Variants in DDA1 observed in about 807,000 individuals in gnomAD.
DDA1 encodes DET1 and DDB1 associated 1, also known as DET1- and DDB1-associated protein 1.
In DDA1, 3 loss-of-function variants were observed where a neutral mutation model predicts 18.6. That is an observed-to-expected ratio of 0.16 (90% CI 0.07 to 0.42). The LOEUF is 0.42. Among genes scored for constraint, DDA1 ranks in the 10% least tolerant of loss-of-function variants. The pLI, the probability that DDA1 is intolerant of heterozygous loss-of-function variation, is 0.99. For synonymous variants in DDA1, 52 were observed against 54.0 expected (o/e 0.96, Z 0.17); for missense variants, 105 against 138.2 (o/e 0.76, Z 1.20).
chr19:17,309,699 A>C (rs1186119216), intron 1 of DDA1, 42 bp downstream of exon 1: 2 of 1,604,610 alleles, frequency 1.2e-6, no homozygotes, highest in Non-Finnish European at 1.7e-6. Context: ...TCTGCTAGAC[A>C]AAATGGCGCT....
intron 4 of DDA1, among the ~76,000 whole-genome samples, chr19:17,316,556 G>T (rs914474543): frequency 2.6e-5 from 4 of 151,724 alleles, no homozygotes; most frequent in Non-Finnish European, 4.4e-5. Flanking sequence ...CTCCAGCCTT[G>T]TTGACAGAGC....
chr19:17,319,509 AAAG>A (rs778240324), intron 4 of DDA1, 34 bp from the exon 5 acceptor site: 2 of 1,528,630 alleles, frequency 1.3e-6, no homozygotes, highest in South Asian at 1.2e-5. Context: ...GTCCGAAAAA[AAAG>A]ACTCACAGCC....
At chr19:17,315,422 GTGTGTGCATATA>G (rs2074207378) in intron 3 of DDA1, among the ~76,000 whole-genome samples, 1 of 58,910 alleles carries the variant, frequency 1.7e-5, no homozygotes, top group African/African-American at 1.3e-4. Context: ...GTGTGTGTGT[GTGTGTGCATATA>G]TATATATATA....
chr19:17,309,677 C>T lies in DDA1; in HGVS notation c.3+20C>T. The T allele has an allele frequency of 6.2e-7, 1 of 1,612,170 alleles. No homozygotes were observed. Among genetic ancestry groups the T allele is most frequent in the Non-Finnish European group, 8.5e-7 (1 of 1,178,922 alleles). ...AAGATGGTGAGGATGGCCTCCAGGC[C>T]CCCACTCCCCCTCTGCTAGACAAAA... is the stretch of plus-strand genomic sequence containing the variant. On this transcript the variant is annotated intron_variant, in intron 1 of 4. Transcript: ENST00000359866.
chr19:17,309,678 C>T lies in DDA1; in HGVS notation c.3+21C>T, dbSNP rs370489653. 5.6e-6 allele frequency: 9 copies of T among 1,612,022 alleles called. No homozygotes were observed. In the East Asian group the frequency reaches 1.3e-4, roughly 24 times the overall value. ...AGATGGTGAGGATGGCCTCCAGGCC[C>T]CCACTCCCCCTCTGCTAGACAAAAT... On this transcript the variant is annotated intron_variant, in intron 1 of 4. Coordinates refer to ENST00000359866, the MANE Select transcript of DDA1 (RefSeq NM_024050.6).
chr19:17,314,227 C>A lies in DDA1; in HGVS notation c.85-111C>A. On this transcript the variant is annotated intron_variant, in intron 2 of 4. Transcript: ENST00000359866. This position sits in a 1 kb window ranked among gnomAD's most constrained non-coding sequence, Gnocchi z 4.6. ...TGATCTTCAAGCCCAGCCCCATCCA[C>A]ATACTTGAGTGTCTTCCAATCTGCA... 1 of 1,556,994 alleles carries A rather than the reference C, an allele frequency of 6.4e-7. No homozygotes were observed. Among genetic ancestry groups the A allele is most frequent in the South Asian group, 1.1e-5 (1 of 89,166 alleles).
intron 3 of DDA1, among the ~76,000 whole-genome samples, chr19:17,315,084 TATATA>T: frequency 9.5e-6 from 1 of 105,300 alleles, no homozygotes; most frequent in African/African-American, 3.4e-5. Flanking sequence ...AAAAACCATA[TATATA>T]CGTATATATA....
At chr19:17,316,505 G>C (rs2145676392) in intron 4 of DDA1, among the ~76,000 whole-genome samples, 1 of 152,088 alleles carries the variant, frequency 6.6e-6, no homozygotes, top group Admixed American at 6.5e-5. Context: ...GCTTGAACCA[G>C]GGAGGCGGAG....
intron 4 of DDA1, among the ~76,000 whole-genome samples, chr19:17,317,229 A>G (rs1465513215): frequency 2.0e-5 from 3 of 149,726 alleles, no homozygotes; most frequent in Non-Finnish European, 3.0e-5. Context: ...AGAAATCTAT[A>G]CCGGGCGCGG....
chr19:17,315,273 GTATATACACACACTATA>G (rs1192103713), intron 3 of DDA1, among the ~76,000 whole-genome samples: 819 of 57,694 alleles, frequency 0.014, 274 homozygotes, highest in African/African-American at 0.057. Flanking sequence ...ACACACACGT[GTATATACACACACTATA>G]TATATACACA....
At chr19:17,318,881 C>A (rs2074226378) in intron 4 of DDA1, among the ~76,000 whole-genome samples, 1 of 151,766 alleles carries the variant, frequency 6.6e-6, no homozygotes, top group Non-Finnish European at 1.5e-5. Flanking sequence ...TGGCTGCCTA[C>A]CCTGCGCAAA....
At chr19:17,316,504 AG>A (rs2074213608) in intron 4 of DDA1, among the ~76,000 whole-genome samples, 1 of 149,654 alleles carries the variant, frequency 6.7e-6, no homozygotes, top group African/African-American at 2.5e-5. Context: ...CGCTTGAACC[AG>A]GGAGGCGGAG....
chr19:17,309,933 C>T (rs927891853), intron 1 of DDA1, among the ~76,000 whole-genome samples: 9 of 150,694 alleles, frequency 6.0e-5, no homozygotes, highest in Admixed American at 4.0e-4. Flanking sequence ...CCCCGGAAAT[C>T]GTCTGGGGTG....
At chr19:17,315,378 C>CGTGT (rs1491469924) in intron 3 of DDA1, among the ~76,000 whole-genome samples, 19 of 80,862 alleles carry the variant, frequency 2.3e-4, no homozygotes, top group African/African-American at 7.6e-4. Context: ...TATATACACA[C>CGTGT]GTATATATAT....
In DDA1 at chr19:17,314,228, A is replaced by C; in HGVS notation, c.85-110A>C. 1 of 1,557,802 alleles carries C rather than the reference A, an allele frequency of 6.4e-7. No homozygotes were observed. The highest frequency in any genetic ancestry group is 1.4e-5 in the African/African-American group (1 of 73,780). Reference sequence around the variant, plus strand: ...GATCTTCAAGCCCAGCCCCATCCACATACTTGAGTGTCTTCCAATCTGCAC... The same window carrying C: ...GATCTTCAAGCCCAGCCCCATCCACCTACTTGAGTGTCTTCCAATCTGCAC... On this transcript the variant is annotated intron_variant, in intron 2 of 4. Transcript: ENST00000359866. This position sits in a 1 kb window ranked among gnomAD's most constrained non-coding sequence, Gnocchi z 4.6.
intron 4 of DDA1, among the ~76,000 whole-genome samples, chr19:17,317,220 G>T (rs1373594345): frequency 6.6e-6 from 1 of 150,716 alleles, no homozygotes; most frequent in Non-Finnish European, 1.5e-5. Context: ...AAGAAAAAAA[G>T]AAATCTATAC....
rs141173807 is a variant in DDA1, at chr19:17,312,648, G to A, written c.4-1375G>A. Among the ~76,000 whole-genome samples the A allele has an allele frequency of 7.2e-3, 1,098 of 152,258 alleles. 9 individuals carry two copies. The highest frequency in any genetic ancestry group is 0.025 in the African/African-American group (1,046 of 41,554). ...AGCTCTGCCTTGCACCTCACACTGCGCCCTCGAGGCACCCTGTCCTGCAGC... is the reference window on the plus strand; with the variant it reads ...AGCTCTGCCTTGCACCTCACACTGCACCCTCGAGGCACCCTGTCCTGCAGC... On this transcript the variant is annotated intron_variant, in intron 1 of 4. Transcript: ENST00000359866.
At chr19:17,312,654 G>A (rs1415888589) in intron 1 of DDA1, among the ~76,000 whole-genome samples, 2 of 152,248 alleles carry the variant, frequency 1.3e-5, no homozygotes, top group African/African-American at 2.4e-5. Context: ...CTGCGCCCTC[G>A]AGGCACCCTG....
chr19:17,314,072 G>T lies in DDA1; in HGVS notation c.53G>T (p.Arg18Leu). ...LPVYNKSNFS[R>L]FHADSVCKAS... ...GTCTACAACAAAAGCAATTTTAGTC[G>T]ATTTCACGCGGACTCCGTGTGCAAA... Residue 18 changes from arginine to leucine, a missense_variant, in exon 2 of 5, where the codon CGA becomes CTA. Physicochemically the swap from Arg to Leu is moderately radical, Grantham distance 102 (BLOSUM62 -2). Transcript: ENST00000359866. This position sits in a 1 kb window ranked among gnomAD's most constrained non-coding sequence, Gnocchi z 4.6. 6.2e-7 allele frequency: 1 copy of T among 1,614,068 alleles called. No individual in the cohort carries two copies. Among genetic ancestry groups the T allele is most frequent in the Non-Finnish European group, 8.5e-7 (1 of 1,179,994 alleles).
Sources: allele counts gnomAD v4.1 joint callset (sites outside exome capture counted in the v4.1 genomes callset), GRCh38; gene constraint gnomAD v4.1.1; non-coding constraint Gnocchi (gnomAD v3.1); transcripts MANE v1.5; gene names NCBI Gene and HGNC (gene_info 2026-07-23, HGNC 2026-07-21).